Variants in TCF4 observed in about 807,000 individuals in gnomAD.
The protein encoded by TCF4 is transcription factor 4.
Under a neutral mutation model 82.1 loss-of-function variants are expected in TCF4, and 3 were observed. The observed-to-expected ratio is 0.04, with a 90% confidence interval of 0.02 to 0.09. The LOEUF (loss-of-function observed/expected upper bound fraction) is 0.09, where lower values mean the gene tolerates loss of function less well. TCF4 is among the 10% of genes least tolerant of loss of function. The probability of loss-of-function intolerance (pLI) is 1.00; values close to 1 mark genes in which losing one functional copy is unlikely to be tolerated. For missense variants in TCF4, 518 were observed against 852.7 expected (o/e 0.61, Z 4.89); for synonymous variants, 276 against 309.6 (o/e 0.89, Z 1.14).
At chr18:55,396,306 T>C (rs756551460) in intron 6 of TCF4, among the ~76,000 whole-genome samples, 1 of 152,196 alleles carries the variant, frequency 6.6e-6, no homozygotes, top group African/African-American at 2.4e-5. Flanking sequence ...TCTTAATTAT[T>C]AAGGGACAAT....
intron 6 of TCF4, among the ~76,000 whole-genome samples, chr18:55,373,668 G>T (rs2089962404): frequency 6.6e-6 from 1 of 151,706 alleles, no homozygotes. Context: ...ACAAAATGTA[G>T]CCAGGTTGGT....
chr18:55,320,511 G>C (rs1177578829), intron 8 of TCF4, among the ~76,000 whole-genome samples: 3 of 152,186 alleles, frequency 2.0e-5, no homozygotes, highest in Non-Finnish European at 4.4e-5. Flanking sequence ...ATGTATTACA[G>C]AATATGCTCA....
intron 6 of TCF4, among the ~76,000 whole-genome samples, chr18:55,391,459 G>C (rs1473689899): frequency 6.6e-6 from 1 of 151,888 alleles, no homozygotes; most frequent in African/African-American, 2.4e-5. Flanking sequence ...TTACTTGTAA[G>C]TGATGACCCT....
At chr18:55,424,166 C>A (rs1235391969) in intron 5 of TCF4, among the ~76,000 whole-genome samples, 2 of 152,108 alleles carry the variant, frequency 1.3e-5, no homozygotes, top group African/African-American at 4.8e-5. Flanking sequence ...TGTCACTCGA[C>A]AAAGTCATGA....
At chr18:55,584,411 C>T (rs1445591184) in intron 3 of TCF4, among the ~76,000 whole-genome samples, 1 of 152,026 alleles carries the variant, frequency 6.6e-6, no homozygotes, top group African/African-American at 2.4e-5. Flanking sequence ...GGACTTAAGC[C>T]ACGGACTTAA....
chr18:55,555,195 T>C (rs1438360042), intron 3 of TCF4, among the ~76,000 whole-genome samples: 2 of 152,160 alleles, frequency 1.3e-5, no homozygotes, highest in African/African-American at 4.8e-5. Flanking sequence ...TAACAATAAT[T>C]TGTCACAGCT....
intron 11 of TCF4, chr18:55,267,143 T>C (rs1431450272): frequency 6.6e-6 from 1 of 152,188 alleles, no homozygotes; most frequent in African/African-American, 2.4e-5. Context: ...TCTTAAGGCA[T>C]TAGTATTGCT....
chr18:55,594,874 A>G (rs1164712646), intron 2 of TCF4, among the ~76,000 whole-genome samples: 1 of 152,212 alleles, frequency 6.6e-6, no homozygotes, highest in Non-Finnish European at 1.5e-5. Context: ...GCTCAGTGAC[A>G]TGTGCCATGG....
chr18:55,609,325 G>C (rs2097705023), intron 2 of TCF4, among the ~76,000 whole-genome samples: 1 of 152,106 alleles, frequency 6.6e-6, no homozygotes, highest in Non-Finnish European at 1.5e-5. Flanking sequence ...TCATACGGGG[G>C]GCAGGTTTTT....
intron 8 of TCF4, among the ~76,000 whole-genome samples, chr18:55,334,591 C>G (rs74776396): frequency 1.3e-5 from 2 of 152,096 alleles, no homozygotes; most frequent in Non-Finnish European, 2.9e-5. Context: ...AGTGCCTTCA[C>G]CTTTCTAGAA....
intron 5 of TCF4, among the ~76,000 whole-genome samples, chr18:55,425,312 T>C (rs2094931815): frequency 6.6e-6 from 1 of 152,050 alleles, no homozygotes; most frequent in African/African-American, 2.4e-5. Flanking sequence ...AATTCAAACA[T>C]ATTTTCAGAA....
chr18:55,283,486 C>A (rs914286103), intron 8 of TCF4, among the ~76,000 whole-genome samples: 1 of 152,150 alleles, frequency 6.6e-6, no homozygotes, highest in African/African-American at 2.4e-5. Context: ...TTGTTTAGGG[C>A]CTCTTGTGGA....
In TCF4 at chr18:55,365,185, A is replaced by G. The variant is rs34621605; in HGVS notation, c.370-14182T>C. Among the ~76,000 whole-genome samples, 458 of 105,678 alleles carry G rather than the reference A, an allele frequency of 4.3e-3. 11 individuals are homozygous for G. Among genetic ancestry groups the G allele is most frequent in the African/African-American group, 0.018 (429 of 23,212 alleles). 69.3% of individuals were successfully genotyped at this position (105,678 alleles called of 152,430 possible). ...TATATATATATATATATATATATATATATATATGTGTGTGTGTGTGTGTGT... is the reference window on the plus strand; with the variant it reads ...TATATATATATATATATATATATATGTATATATGTGTGTGTGTGTGTGTGT... On this transcript the variant is annotated intron_variant, in intron 6 of 19. Transcript: ENST00000354452.
At chr18:55,264,700 T>A (rs2058739817) in intron 11 of TCF4, 1 of 152,084 alleles carries the variant, frequency 6.6e-6, no homozygotes, top group South Asian at 2.1e-4. Flanking sequence ...GGCCCAAGAT[T>A]TTTGTCAATT....
chr18:55,474,697 T>C (rs2096253776), intron 3 of TCF4, among the ~76,000 whole-genome samples: 1 of 152,172 alleles, frequency 6.6e-6, no homozygotes. Flanking sequence ...AGGGTTGAAG[T>C]CAAGGAAAAT....
At chr18:55,580,593 G>A (rs1167766490) in intron 3 of TCF4, among the ~76,000 whole-genome samples, 3 of 151,884 alleles carry the variant, frequency 2.0e-5, no homozygotes, top group African/African-American at 7.2e-5. Flanking sequence ...ATACAAAGGC[G>A]GGAAAAATAA....
intron 2 of TCF4, among the ~76,000 whole-genome samples, chr18:55,623,958 G>A (rs2097724082): frequency 6.6e-6 from 1 of 152,114 alleles, no homozygotes; most frequent in African/African-American, 2.4e-5. Flanking sequence ...AAATTCTTTA[G>A]AGAGAAACCT....
intron 8 of TCF4, among the ~76,000 whole-genome samples, chr18:55,307,282 A>T (rs905900034): frequency 2.6e-5 from 4 of 152,208 alleles, no homozygotes; most frequent in Non-Finnish European, 5.9e-5. Context: ...GAGGTAAATG[A>T]CCTATGGTCT....
intron 3 of TCF4, among the ~76,000 whole-genome samples, chr18:55,533,350 T>C (rs2097086502): frequency 6.6e-6 from 1 of 152,080 alleles, no homozygotes; most frequent in Admixed American, 6.6e-5. Context: ...AGAATTGCTA[T>C]AAAACCTGAA....
Sources: gnomAD v4.1 joint callset for allele counts (sites outside exome capture counted in the v4.1 genomes callset) on GRCh38, gnomAD v4.1.1 for gene constraint, MANE v1.5 for transcripts, NCBI Gene and HGNC (gene_info 2026-07-23, HGNC 2026-07-21) for gene names.